The following SPEN variants were observed in gnomAD, a reference collection of about 807,000 sequenced individuals.
The protein encoded by SPEN is spen family transcriptional repressor, also known as msx2-interacting protein.
In SPEN, 18 loss-of-function variants were observed where a neutral mutation model predicts 269.9. The ratio of observed to expected loss-of-function variants is 0.07; its 90% CI spans 0.05 to 0.10. The LOEUF is 0.10. Among genes scored for constraint, SPEN ranks in the 10% least tolerant of loss-of-function variants. The pLI is 1.00. For synonymous variants in SPEN, 1,726 were observed against 1,765.7 expected (o/e 0.98, Z 0.56); for missense variants, 3,822 against 4,631.2 (o/e 0.83, Z 5.07).
intron 3 of SPEN, among the ~76,000 whole-genome samples, chr1:15,893,476 CTTACTGAGTAA>C (rs1342934419): frequency 1.3e-5 from 2 of 152,142 alleles, no homozygotes; most frequent in African/African-American, 2.4e-5. Context: ...CCTGAGGTTT[CTTACTGAGTAA>C]TTCGTAGTCA....
intron 1 of SPEN, among the ~76,000 whole-genome samples, chr1:15,853,739 G>C (rs1192954255): frequency 6.6e-6 from 1 of 151,908 alleles, no homozygotes; most frequent in African/African-American, 2.4e-5. Flanking sequence ...CATGGTCTCA[G>C]CTCACTGCAA....
Position 15,934,381 on chromosome 1 carries a change from CGGT to C in SPEN, c.8144_8146del (p.Val2715del). On this transcript the variant is annotated inframe_deletion, in exon 11 of 15. Coordinates refer to ENST00000375759, the MANE Select transcript of SPEN (RefSeq NM_015001.3). The surrounding 1 kb of genome is among the most constrained non-coding windows in gnomAD (Gnocchi z 9.2). ...GTTCTCACCACTCCAGTGAACGCCA[CGGT>C]GGGCACAGTGAATGCCGCCCCAGGC... 1 of 1,613,618 alleles carries C rather than the reference CGGT, an allele frequency of 6.2e-7. No homozygotes were observed.
chr1:15,911,032 T>C, intron 4 of SPEN, 69 bp from the exon 5 acceptor site: 2 of 1,292,912 alleles, frequency 1.5e-6, no homozygotes, highest in Non-Finnish European at 2.2e-6. Flanking sequence ...GCTAAAGATT[T>C]AGTAGGTTGC....
At position 15,939,470 on chromosome 1, in the gene SPEN, T is replaced by C. The variant is rs373616004; in HGVS notation, c.*43T>C. On this transcript the variant is annotated 3_prime_UTR_variant, in exon 15 of 15. Coordinates refer to ENST00000375759, the MANE Select transcript of SPEN (RefSeq NM_015001.3). This position sits in a 1 kb window ranked among gnomAD's most constrained non-coding sequence, Gnocchi z 4.1. Reference sequence around the variant, plus strand: ...ACCTCAGTGAATCTTCCCAGGGCTCTGCAGTAAAAACAAAGGACAACCCAG... The same window carrying C: ...ACCTCAGTGAATCTTCCCAGGGCTCCGCAGTAAAAACAAAGGACAACCCAG... 7 of 1,499,968 alleles carry C rather than the reference T, an allele frequency of 4.7e-6. No homozygotes were observed. In the African/African-American group the frequency reaches 1.0e-4, roughly 21 times the overall value. The allele number at this position is 1,499,968 out of a possible 1,614,324, so 92.9% of individuals were successfully genotyped here.
Position 15,909,052 on chromosome 1 carries a change from GA to G in SPEN, c.882-259del, listed in dbSNP as rs199942136. On this transcript the variant is annotated intron_variant, in intron 3 of 14. Transcript: ENST00000375759. Reference sequence around the variant, plus strand: ...TGAATTCACTAGTCTTACTTCATTTGAAAAAAAAAAGTTCAAGTTATTAATA... The same window carrying G: ...TGAATTCACTAGTCTTACTTCATTTGAAAAAAAAAGTTCAAGTTATTAATA... 2.4e-4 allele frequency among the ~76,000 whole-genome samples: 35 copies of G among 147,968 alleles called. 1 individual carries two copies. The highest frequency in any genetic ancestry group is 6.9e-4 in the African/African-American group (28 of 40,400).
intron 3 of SPEN, among the ~76,000 whole-genome samples, chr1:15,891,095 G>A (rs746543583): frequency 6.6e-6 from 1 of 152,206 alleles, no homozygotes; most frequent in Non-Finnish European, 1.5e-5. Context: ...ATGCTTAAGC[G>A]TAGCCCAGAA....
intron 3 of SPEN, among the ~76,000 whole-genome samples, 197 bp from the exon 4 acceptor site, chr1:15,909,123 TA>T (rs1157421180): frequency 2.0e-5 from 3 of 152,230 alleles, no homozygotes; most frequent in African/African-American, 7.2e-5. Context: ...AAATGAAGAT[TA>T]TACTTTTGTG....
chr1:15,898,558 C>CTTTTT (rs375319827), intron 3 of SPEN, among the ~76,000 whole-genome samples: 50 of 131,964 alleles, frequency 3.8e-4, no homozygotes, highest in Non-Finnish European at 5.6e-4. Flanking sequence ...TTCTTTTTTT[C>CTTTTT]TTTTTTTTTT....
rs1174556169 is a variant in SPEN at position 15,934,394 on chromosome 1, GAATGCCGCCCCAGGCACAGTC to G, written c.8163_8183del (p.Pro2722_Ala2728del). ...CAGTGAACGCCACGGTGGGCACAGT[GAATGCCGCCCCAGGCACAGTC>G]AATGCCGCTGCGAGTGCAGTGAATG... On this transcript the variant is annotated inframe_deletion, in exon 11 of 15. Coordinates refer to ENST00000375759, the MANE Select transcript of SPEN (RefSeq NM_015001.3). The surrounding 1 kb of genome is among the most constrained non-coding windows in gnomAD (Gnocchi z 9.2). The G allele has an allele frequency of 1.2e-6, 2 of 1,613,542 alleles. No individual in the cohort carries two copies. Among genetic ancestry groups the G allele is most frequent in the Non-Finnish European group, 1.7e-6 (2 of 1,180,036 alleles).
At chr1:15,895,174 G>A (rs1471271658) in intron 3 of SPEN, among the ~76,000 whole-genome samples, 7 of 152,064 alleles carry the variant, frequency 4.6e-5, no homozygotes, top group African/African-American at 1.4e-4. Flanking sequence ...CGCCCGCCTC[G>A]GCCTCCCAAA....
intron 10 of SPEN, among the ~76,000 whole-genome samples, chr1:15,927,298 A>G (rs1406917819): frequency 6.6e-6 from 1 of 152,150 alleles, no homozygotes; most frequent in Non-Finnish European, 1.5e-5. Context: ...GAAAGTGACA[A>G]CATTTACTGA....
At chr1:15,863,641 G>C (rs1196764574) in intron 1 of SPEN, among the ~76,000 whole-genome samples, 1 of 152,130 alleles carries the variant, frequency 6.6e-6, no homozygotes, top group East Asian at 1.9e-4. Context: ...AGGAATTGGA[G>C]ACCAGCCTAG....
At chr1:15,888,956 T>C (rs546734050) in intron 3 of SPEN, among the ~76,000 whole-genome samples, 10 of 152,052 alleles carry the variant, frequency 6.6e-5, no homozygotes, top group African/African-American at 2.4e-4. Flanking sequence ...GGTAAAACTT[T>C]ACTCATTGCA....
At chr1:15,851,431 A>G (rs574479479) in intron 1 of SPEN, among the ~76,000 whole-genome samples, 2 of 152,164 alleles carry the variant, frequency 1.3e-5, no homozygotes, top group South Asian at 2.1e-4. Flanking sequence ...TTTCCTTTGT[A>G]TGTTAGCTGG....
At chr1:15,874,510 C>T (rs978662789) in intron 2 of SPEN, 1 of 731,628 alleles carries the variant, frequency 1.4e-6, no homozygotes, top group African/African-American at 1.8e-5. Context: ...AGAGAATAGC[C>T]ATTAGATTTC....
chr1:15,874,188 C>T lies in SPEN; in HGVS notation c.404+1052C>T. The T allele has an allele frequency of 5.1e-6, 7 of 1,366,436 alleles. No individual in the cohort carries two copies. The South Asian group carries it at 7.9e-5, about 16-fold the overall frequency. The allele number at this position is 1,366,436 out of a possible 1,614,324, so 84.6% of individuals were successfully genotyped here. ...TGGGGGTTTGAGAGTTACAGTTTGT[C>T]TGGGACTACTTGCTTCCAGTGGAAT... is the stretch of plus-strand genomic sequence containing the variant. On this transcript the variant is annotated intron_variant, in intron 2 of 14. Transcript: ENST00000375759.
Position 15,864,470 on chromosome 1 carries a change from G to GTTT in SPEN, c.84-8329_84-8327dup, listed in dbSNP as rs371257174. Among the ~76,000 whole-genome samples the GTTT allele has an allele frequency of 2.1e-3, 282 of 132,356 alleles. 5 individuals are homozygous for GTTT. The highest frequency in any genetic ancestry group is 4.5e-3 in the South Asian group (19 of 4,200). The allele number at this position is 132,356 out of a possible 152,430, so 86.8% of individuals were successfully genotyped here. A position where few individuals can be genotyped will look rare whatever the true frequency, so the allele number is the denominator to read the frequency against. On this transcript the variant is annotated intron_variant, in intron 1 of 14. Coordinates refer to ENST00000375759, the MANE Select transcript of SPEN (RefSeq NM_015001.3). ...TAGGCGTGAGCCTCTGTGCCGGCCGGTTTTTTTTTTTTTTTTTTTAATATT... is the reference window on the plus strand; with the variant it reads ...TAGGCGTGAGCCTCTGTGCCGGCCGGTTTTTTTTTTTTTTTTTTTTTTAATATT...
At chr1:15,859,592 A>G (rs1343767098) in intron 1 of SPEN, among the ~76,000 whole-genome samples, 2 of 151,730 alleles carry the variant, frequency 1.3e-5, no homozygotes, top group Admixed American at 6.6e-5. Flanking sequence ...GATGGTCTCT[A>G]TCTCCTGACC....
In SPEN at chr1:15,932,025, G is replaced by A. The variant is rs770995448; in HGVS notation, c.5785G>A (p.Val1929Met). Residue 1929 changes from valine to methionine, a missense_variant, in exon 11 of 15, where the codon GTG (valine) becomes ATG (methionine). Around this residue, in one of 16 missense-constraint regions of SPEN, gnomAD observed 533 missense variants for 618.8 expected, o/e 0.86. Transcript: ENST00000375759. The surrounding 1 kb of genome is among the most constrained non-coding windows in gnomAD (Gnocchi z 4.2). The part of the protein sequence containing the change: ...PVKEPVEQPR[V>M]TRKRLERELQ... ...CAAAGAGCCCGTTGAGCAACCAAGA[G>A]TGACCAGAAAGAGATTGGAGCGAGA... The A allele has an allele frequency of 5.6e-6, 9 of 1,614,226 alleles. No individual in the cohort carries two copies. The South Asian group carries it at 8.8e-5, about 16-fold the overall frequency.
Sources: allele counts gnomAD v4.1 joint callset (sites outside exome capture counted in the v4.1 genomes callset), GRCh38; gene constraint gnomAD v4.1.1; regional missense constraint gnomAD v4.1.1; non-coding constraint Gnocchi (gnomAD v3.1); transcripts MANE v1.5; gene names NCBI Gene and HGNC (gene_info 2026-07-23, HGNC 2026-07-21).